The following HEMK2 variants were observed in gnomAD, a reference collection of about 807,000 sequenced individuals.
HEMK2 encodes the protein HemK methyltransferase 2, ETF1 glutamine and histone H4 lysine.
the HEMK2 span, among the ~76,000 whole-genome samples, chr21:28,685,080 G>A: frequency 6.6e-6 from 1 of 151,816 alleles, no homozygotes. Context: ...TTAGAGTCAG[G>A]GAAGTAAAAA....
the HEMK2 span, among the ~76,000 whole-genome samples, chr21:28,834,392 AGAAGCTG>A: frequency 6.6e-6 from 1 of 152,178 alleles, no homozygotes; most frequent in Non-Finnish European, 1.5e-5. Context: ...CTCCCACTGG[AGAAGCTG>A]AAGGTCTGTT....
chr21:28,841,416 T>TATATA, the HEMK2 span, among the ~76,000 whole-genome samples: 4 of 34,446 alleles, frequency 1.2e-4, no homozygotes, highest in African/African-American at 1.2e-3. Flanking sequence ...ATATATATAT[T>TATATA]ATATATATAA....
At chr21:28,647,038 C>T in the HEMK2 span, among the ~76,000 whole-genome samples, 1 of 152,108 alleles carries the variant, frequency 6.6e-6, no homozygotes, top group Non-Finnish European at 1.5e-5. Flanking sequence ...TTGTCGCTGC[C>T]ATCTTTTGAA....
At chr21:28,588,178 T>G in the HEMK2 span, among the ~76,000 whole-genome samples, 1 of 152,056 alleles carries the variant, frequency 6.6e-6, no homozygotes, top group African/African-American at 2.4e-5. Context: ...AAAAAGAGAC[T>G]CTCCACATTC....
At chr21:28,799,843 G>C in the HEMK2 span, among the ~76,000 whole-genome samples, 1 of 152,052 alleles carries the variant, frequency 6.6e-6, no homozygotes, top group Non-Finnish European at 1.5e-5. Flanking sequence ...TTTTGATCAG[G>C]TAAAATGTTT....
At chr21:28,655,438 A>C in the HEMK2 span, among the ~76,000 whole-genome samples, 1 of 152,088 alleles carries the variant, frequency 6.6e-6, no homozygotes, top group Non-Finnish European at 1.5e-5. Context: ...AATCCATTTG[A>C]ATTCATCAAG....
the HEMK2 span, among the ~76,000 whole-genome samples, chr21:28,806,102 A>C: frequency 1.7e-3 from 263 of 152,300 alleles, 2 homozygotes; most frequent in African/African-American, 5.9e-3. Context: ...CAAATTTGGT[A>C]AAGTACCGTA....
At chr21:28,878,133 A>G in the HEMK2 span, 1 of 1,408,868 alleles carries the variant, frequency 7.1e-7, no homozygotes. Context: ...AGCATTTTAC[A>G]TTATTAACTT....
At chr21:28,776,737 T>C in the HEMK2 span, among the ~76,000 whole-genome samples, 411 of 152,106 alleles carry the variant, frequency 2.7e-3, 6 homozygotes, top group Non-Finnish European at 4.8e-3. Context: ...AGTCCAAGAG[T>C]CCAAAAGCTG....
the HEMK2 span, among the ~76,000 whole-genome samples, chr21:28,639,014 A>G: frequency 2.9e-4 from 44 of 152,316 alleles, no homozygotes; most frequent in African/African-American, 1.0e-3. Context: ...TATGGGAGAA[A>G]CTGTAGGTTT....
At chr21:28,642,358 G>T in the HEMK2 span, among the ~76,000 whole-genome samples, 2 of 152,192 alleles carry the variant, frequency 1.3e-5, no homozygotes, top group African/African-American at 2.4e-5. Context: ...CACTCCTCAT[G>T]GGAGGGAGCG....
the HEMK2 span, among the ~76,000 whole-genome samples, chr21:28,582,906 C>T: frequency 6.6e-6 from 1 of 152,180 alleles, no homozygotes; most frequent in East Asian, 1.9e-4. Context: ...ACCTTTTATA[C>T]TAGTTGATAA....
the HEMK2 span, among the ~76,000 whole-genome samples, chr21:28,753,840 C>T: frequency 3.3e-5 from 5 of 152,180 alleles, no homozygotes; most frequent in East Asian, 1.9e-4. Flanking sequence ...CACGTGCACA[C>T]GCAATGCCCT....
the HEMK2 span, among the ~76,000 whole-genome samples, chr21:28,877,516 GAA>G: frequency 7.2e-6 from 1 of 137,986 alleles, no homozygotes; most frequent in Non-Finnish European, 1.6e-5. Flanking sequence ...TGGACAGAAG[GAA>G]AAAAGAAAAG....
At chr21:28,609,494 T>G in the HEMK2 span, among the ~76,000 whole-genome samples, 10 of 151,124 alleles carry the variant, frequency 6.6e-5, no homozygotes, top group African/African-American at 2.2e-4. Context: ...ACAAGGTTAT[T>G]TAACATCCCC....
chr21:28,870,581 A>G, the HEMK2 span, among the ~76,000 whole-genome samples: 2 of 151,996 alleles, frequency 1.3e-5, no homozygotes, highest in African/African-American at 4.8e-5. Flanking sequence ...TTTTATTTTC[A>G]GTAAAGATGG....
chr21:28,586,089 C>G, the HEMK2 span, among the ~76,000 whole-genome samples: 705 of 152,206 alleles, frequency 4.6e-3, 6 homozygotes, highest in African/African-American at 0.016. Context: ...GATCTGGGAG[C>G]AAGAAAGTGG....
chr21:28,699,035 G>C, the HEMK2 span, among the ~76,000 whole-genome samples: 1 of 151,872 alleles, frequency 6.6e-6, no homozygotes, highest in East Asian at 1.9e-4. Context: ...TCTCTGAAAT[G>C]TTCACCTCCT....
At chr21:28,695,084 T>C in the HEMK2 span, among the ~76,000 whole-genome samples, 1 of 152,152 alleles carries the variant, frequency 6.6e-6, no homozygotes, top group East Asian at 1.9e-4. Context: ...AAGGCCAATA[T>C]GCGATCTTTT....
Sources: gnomAD v4.1 joint callset for allele counts (sites outside exome capture counted in the v4.1 genomes callset) on GRCh38, gnomAD v4.1.1 for gene constraint, MANE v1.5 for transcripts, NCBI Gene and HGNC (gene_info 2026-07-23, HGNC 2026-07-21) for gene names.